SOX6: variants seen among roughly 807,000 people sequenced by gnomAD.
SOX6 encodes SRY-box transcription factor 6.
SOX6 carries 11 observed loss-of-function variants against 97.8 expected under a neutral mutation model. The observed-to-expected ratio is 0.11, with a 90% CI of 0.07 to 0.19. The LOEUF (loss-of-function observed/expected upper bound fraction) is 0.19, where lower values mean the gene tolerates loss of function less well. Ranked by LOEUF, SOX6 falls within the 10% of genes least tolerant of loss-of-function variation. The pLI is 1.00. For missense variants in SOX6, 810 were observed against 1,039.5 expected, an observed-to-expected ratio of 0.78 and a Z score of 3.04; for synonymous variants, 360 against 371.4, an observed-to-expected ratio of 0.97 and a Z score of 0.35.
chr11:16,463,241 TTTATATA>T (rs1310435987), intron 1 of SOX6, among the ~76,000 whole-genome samples: 11 of 152,198 alleles, frequency 7.2e-5, no homozygotes, highest in Non-Finnish European at 1.0e-4. Context: ...CTTCCTTGTC[TTTATATA>T]TTTTTTGTTC....
chr11:16,719,585 A>G (rs750791044), intron 2 of SOX6, among the ~76,000 whole-genome samples: 1 of 152,188 alleles, frequency 6.6e-6, no homozygotes, highest in Non-Finnish European at 1.5e-5. Flanking sequence ...CCTTGATATA[A>G]TCAAGGCATA....
chr11:15,986,208 C>G lies in SOX6; in HGVS notation c.2179G>C (p.Val727Leu). 2 of 1,614,064 alleles carry G rather than the reference C, an allele frequency of 1.2e-6. No homozygotes were observed. Among genetic ancestry groups the G allele is most frequent in the Non-Finnish European group, 1.7e-6 (2 of 1,179,928 alleles). ...GCTAAATTCAGGAATACTTACCCCA[C>G]AGTAAAGAACTGCCTCATCTCCTGT... is the stretch of plus-strand genomic sequence containing the variant. Reference protein sequence around the residue: ...RRQEMRQFFTVGQQPQIPITT... With the variant: ...RRQEMRQFFTLGQQPQIPITT... The change falls in exon 15 of 16, where the codon GTG becomes CTG. Residue 727 changes from valine to leucine, a missense_variant. By Grantham distance (32) the Val-to-Leu change is conservative (BLOSUM62 1). Around this residue, in one of 9 missense-constraint regions of SOX6, gnomAD observed 122 missense variants for 153.4 expected, o/e 0.80. Transcript: ENST00000683767.
chr11:16,190,518 T>C (rs1459570587), intron 4 of SOX6, among the ~76,000 whole-genome samples: 1 of 152,240 alleles, frequency 6.6e-6, no homozygotes, highest in African/African-American at 2.4e-5. Flanking sequence ...ACAGATGATA[T>C]GAAGTATGTG....
chr11:16,085,034 T>C (rs897778918), intron 9 of SOX6, among the ~76,000 whole-genome samples: 1 of 152,204 alleles, frequency 6.6e-6, no homozygotes, highest in African/African-American at 2.4e-5. Flanking sequence ...ACAAAGCTTC[T>C]GTCTCTTGGT....
chr11:16,583,512 CAT>C (rs1184507830), intron 4 of SOX6, among the ~76,000 whole-genome samples: 1 of 149,420 alleles, frequency 6.7e-6, no homozygotes, highest in African/African-American at 2.4e-5. Flanking sequence ...TTTCAGCTTC[CAT>C]ATATGAGTGA....
chr11:16,145,718 G>GAA (rs1367055642), intron 6 of SOX6, among the ~76,000 whole-genome samples: 1 of 152,078 alleles, frequency 6.6e-6, no homozygotes, highest in Admixed American at 6.6e-5. Flanking sequence ...CAGACAAACA[G>GAA]AGAACCAAAT....
chr11:16,529,365 T>C (rs1256903819), intron 4 of SOX6, among the ~76,000 whole-genome samples: 1 of 152,136 alleles, frequency 6.6e-6, no homozygotes, highest in Non-Finnish European at 1.5e-5. Context: ...AGTACATTAC[T>C]ACTAATTAAG....
chr11:16,418,842 C>T (rs1183785099), intron 1 of SOX6, among the ~76,000 whole-genome samples: 1 of 152,132 alleles, frequency 6.6e-6, no homozygotes, highest in Non-Finnish European at 1.5e-5. Flanking sequence ...TTGTCAGTCT[C>T]ACTAAGCGAA....
At chr11:16,173,921 A>G (rs1012137683) in intron 6 of SOX6, among the ~76,000 whole-genome samples, 3 of 151,424 alleles carry the variant, frequency 2.0e-5, no homozygotes, top group African/African-American at 7.3e-5. Flanking sequence ...TCATAGCTCA[A>G]TGCAGCCTAA....
chr11:16,018,651 G>T (rs1332319720), intron 12 of SOX6, among the ~76,000 whole-genome samples: 4 of 151,972 alleles, frequency 2.6e-5, no homozygotes, highest in Non-Finnish European at 2.9e-5. Flanking sequence ...ATAATAATGT[G>T]TGTGCTAACA....
At chr11:16,075,465 ACTATGTAGC>A (rs1848332530) in intron 9 of SOX6, among the ~76,000 whole-genome samples, 1 of 152,252 alleles carries the variant, frequency 6.6e-6, no homozygotes, top group South Asian at 2.1e-4. Flanking sequence ...ACCATGGAAT[ACTATGTAGC>A]CATAAAAAAG....
intron 11 of SOX6, 50 bp downstream of exon 11, chr11:16,049,705 T>G: frequency 1.9e-6 from 3 of 1,607,752 alleles, no homozygotes; most frequent in East Asian, 2.2e-5. Flanking sequence ...AGGTTTGCTT[T>G]CTTTTACCTA....
chr11:16,059,398 A>T (rs1847893188), intron 9 of SOX6, among the ~76,000 whole-genome samples: 1 of 152,016 alleles, frequency 6.6e-6, no homozygotes, highest in Admixed American at 6.6e-5. Flanking sequence ...AGCTTCCTAG[A>T]TCATCAACCA....
At chr11:16,279,801 T>C (rs1012798912) in intron 3 of SOX6, among the ~76,000 whole-genome samples, 3 of 152,234 alleles carry the variant, frequency 2.0e-5, no homozygotes, top group East Asian at 3.9e-4. Flanking sequence ...TCTTAATTCA[T>C]GAAAACAAAA....
chr11:15,991,831 C>T (rs1590113941), intron 13 of SOX6, among the ~76,000 whole-genome samples: 1 of 152,178 alleles, frequency 6.6e-6, no homozygotes, highest in East Asian at 1.9e-4. Context: ...AATAGAGTCT[C>T]CCAGATATGC....
chr11:16,644,449 A>G (rs1299080973), intron 3 of SOX6, among the ~76,000 whole-genome samples: 2 of 152,212 alleles, frequency 1.3e-5, no homozygotes, highest in Non-Finnish European at 2.9e-5. Flanking sequence ...GCCCTATTAC[A>G]ATAAACAGGA....
intron 9 of SOX6, among the ~76,000 whole-genome samples, chr11:16,068,002 AC>A (rs563208037): frequency 0.012 from 1,837 of 152,244 alleles, 35 homozygotes; most frequent in African/African-American, 0.041. Flanking sequence ...ATATCGGGGA[AC>A]CCCAGGCCTA....
chr11:16,257,078 A>T (rs950498548), intron 3 of SOX6, among the ~76,000 whole-genome samples: 6 of 151,916 alleles, frequency 3.9e-5, no homozygotes, highest in African/African-American at 1.4e-4. Flanking sequence ...AATAAATTAG[A>T]GATATTCCAT....
At chr11:16,358,491 A>C (rs1047769184), upstream of SOX6, among the ~76,000 whole-genome samples, 5 of 152,160 alleles carry the variant, frequency 3.3e-5, no homozygotes, top group Admixed American at 3.3e-4. Flanking sequence ...GCTGAACAGA[A>C]CACAACATGA....
Sources: gnomAD v4.1 joint callset for allele counts (sites outside exome capture counted in the v4.1 genomes callset) on GRCh38, gnomAD v4.1.1 for gene constraint, gnomAD v4.1.1 regional missense constraint, MANE v1.5 for transcripts, NCBI Gene and HGNC (gene_info 2026-07-23, HGNC 2026-07-21) for gene names.